The following C12orf56 variants were observed in gnomAD, a reference collection of about 807,000 sequenced individuals.
C12orf56 encodes chromosome 12 open reading frame 56.
A neutral mutation model predicts 69.9 loss-of-function variants in C12orf56; 71 were observed. The observed-to-expected ratio is 1.02, with a 90% CI of 0.84 to 1.24. C12orf56 has a LOEUF of 1.24. Ranked by LOEUF, C12orf56 falls within the 50% of genes most tolerant of loss-of-function variation. The pLI is 0.00. For synonymous variants in C12orf56, 276 were observed against 274.1 expected, an observed-to-expected ratio of 1.01 and a Z score of -0.07; for missense variants, 732 against 738.5, an observed-to-expected ratio of 0.99 and a Z score of 0.10.
At chr12:64,278,941 C>A (rs186064834) in intron 8 of C12orf56, among the ~76,000 whole-genome samples, 2 of 152,312 alleles carry the variant, frequency 1.3e-5, no homozygotes, top group East Asian at 1.9e-4. Flanking sequence ...TCACAAATAA[C>A]AAGACTTCAT....
In C12orf56 at chr12:64,328,310, T is replaced by C. The variant is rs1225832135; in HGVS notation, c.488+2650A>G. Reference sequence around the variant, plus strand: ...CATATTAATTTTCCCTATGCCTCTATATCCCTTGAGTGGCAGCTCCCAGAA... The same window carrying C: ...CATATTAATTTTCCCTATGCCTCTACATCCCTTGAGTGGCAGCTCCCAGAA... On this transcript the variant is annotated intron_variant, in intron 3 of 12. Coordinates refer to ENST00000543942, the MANE Select transcript of C12orf56 (RefSeq NM_001170633.2). Among the ~76,000 whole-genome samples the C allele has an allele frequency of 3.9e-5, 6 of 151,998 alleles. 2 individuals carry two copies. Among genetic ancestry groups the C allele is most frequent in the Admixed American group, 3.3e-4 (5 of 15,256 alleles).
At chr12:64,353,917 G>A (rs1476412315) in intron 1 of C12orf56, among the ~76,000 whole-genome samples, 3 of 151,980 alleles carry the variant, frequency 2.0e-5, no homozygotes, top group Non-Finnish European at 4.4e-5. Flanking sequence ...CTGACTTAAG[G>A]TGATCCACCT....
chr12:64,313,746 T>C (rs2038653360), intron 4 of C12orf56, among the ~76,000 whole-genome samples: 2 of 151,802 alleles, frequency 1.3e-5, no homozygotes, highest in South Asian at 2.1e-4. Flanking sequence ...TCTGTGTATA[T>C]AGATTTACCG....
chr12:64,335,560 G>A (rs7980755), intron 2 of C12orf56, among the ~76,000 whole-genome samples: 66,566 of 151,872 alleles, frequency 0.44, 14,812 homozygotes, highest in African/African-American at 0.51. Context: ...GGTATGGCAT[G>A]TTGCATCACA....
At chr12:64,353,162 T>A in intron 1 of C12orf56, 106 bp from the exon 2 acceptor site, 1 of 1,091,550 alleles carries the variant, frequency 9.2e-7, no homozygotes, top group Non-Finnish European at 1.3e-6. Context: ...TTTCCACATA[T>A]ATATATATTT....
intron 6 of C12orf56, among the ~76,000 whole-genome samples, chr12:64,286,904 G>A (rs905582644): frequency 6.6e-6 from 1 of 152,104 alleles, no homozygotes; most frequent in African/African-American, 2.4e-5. Context: ...GAAGCAGGAT[G>A]TTTACCGGAT....
At chr12:64,379,092 G>A (rs2039678369) in intron 1 of C12orf56, among the ~76,000 whole-genome samples, 1 of 151,432 alleles carries the variant, frequency 6.6e-6, no homozygotes, top group Non-Finnish European at 1.5e-5. Context: ...TTGCTAATCT[G>A]TGATAAATAA....
chr12:64,308,912 GA>G (rs1421292400), intron 5 of C12orf56, among the ~76,000 whole-genome samples: 1 of 59,526 alleles, frequency 1.7e-5, no homozygotes, highest in South Asian at 7.5e-4. Flanking sequence ...AAGAAAGAAA[GA>G]AAGAAAGAAA....
chr12:64,302,279 T>C (rs976685664), intron 6 of C12orf56, among the ~76,000 whole-genome samples: 2 of 152,184 alleles, frequency 1.3e-5, no homozygotes, highest in African/African-American at 4.8e-5. Flanking sequence ...TCTCAATGTC[T>C]CAATGTTGTG....
intron 1 of C12orf56, among the ~76,000 whole-genome samples, chr12:64,356,533 C>A (rs1461083050): frequency 2.0e-5 from 3 of 152,134 alleles, no homozygotes; most frequent in African/African-American, 7.2e-5. Flanking sequence ...ACAGTCTAAG[C>A]TAATTCCAAT....
In C12orf56 at chr12:64,328,694, AAAAAAAAAAAAAATATATATATAT is replaced by A. The variant is rs1188797984; in HGVS notation, c.488+2242_488+2265del. ...GACTCCATCTCAAAAAAAAAAAAAA[AAAAAAAAAAAAAATATATATATAT>A]ATATATATATATATATATAGTATCA... is the stretch of plus-strand genomic sequence containing the variant. On this transcript the variant is annotated intron_variant, in intron 3 of 12. Coordinates refer to ENST00000543942, the MANE Select transcript of C12orf56 (RefSeq NM_001170633.2). 7.2e-3 allele frequency among the ~76,000 whole-genome samples: 130 copies of A among 18,038 alleles called. 1 individual carries two copies. The highest frequency in any genetic ancestry group is 0.015 in the African/African-American group (79 of 5,138). The allele number at this position is 18,038 out of a possible 152,430, so 11.8% of individuals were successfully genotyped here. A position where few individuals can be genotyped will look rare whatever the true frequency, so the allele number is the denominator to read the frequency against.
At chr12:64,379,798 T>C (rs901761466) in intron 1 of C12orf56, among the ~76,000 whole-genome samples, 1 of 150,886 alleles carries the variant, frequency 6.6e-6, no homozygotes, top group Non-Finnish European at 1.5e-5. Context: ...AAACGCACGA[T>C]ATAAGCCGGG....
At chr12:64,269,206 T>C (rs1017641416) in intron 12 of C12orf56, among the ~76,000 whole-genome samples, 1 of 151,990 alleles carries the variant, frequency 6.6e-6, no homozygotes, top group African/African-American at 2.4e-5. Context: ...AAGGCTGTAA[T>C]TTATGTCTCC....
intron 1 of C12orf56, among the ~76,000 whole-genome samples, chr12:64,358,462 G>GTAATAATAATAA (rs1307361496): frequency 1.8e-4 from 23 of 128,074 alleles, no homozygotes; most frequent in African/African-American, 6.2e-4. Flanking sequence ...CATCTCAAAA[G>GTAATAATAATAA]TAATAATAAT....
chr12:64,385,424 T>C (rs192005709), intron 1 of C12orf56, among the ~76,000 whole-genome samples: 131 of 152,308 alleles, frequency 8.6e-4, no homozygotes, highest in African/African-American at 2.9e-3. Context: ...GGGCTTTTTT[T>C]CCCCTGAGAT....
chr12:64,366,297 ATATTATATATTATATACAGTT>A (rs1443693087), intron 1 of C12orf56, among the ~76,000 whole-genome samples: 28 of 20,426 alleles, frequency 1.4e-3, no homozygotes, highest in African/African-American at 3.1e-3. Flanking sequence ...TACAGTTTAT[ATATTATATATTATATACAGTT>A]TATTATATAT....
intron 2 of C12orf56, among the ~76,000 whole-genome samples, chr12:64,344,183 T>G (rs942705006): frequency 6.6e-6 from 1 of 152,152 alleles, no homozygotes; most frequent in Non-Finnish European, 1.5e-5. Flanking sequence ...GTCACAGGTC[T>G]CCTGGGGGAA....
intron 1 of C12orf56, among the ~76,000 whole-genome samples, chr12:64,381,990 G>A (rs769451605): frequency 9.2e-5 from 14 of 152,072 alleles, no homozygotes; most frequent in South Asian, 2.1e-4. Flanking sequence ...AGCAGGGCGC[G>A]GTGGCTCACG....
At chr12:64,380,744 G>A (rs1489998858) in intron 1 of C12orf56, among the ~76,000 whole-genome samples, 1 of 152,116 alleles carries the variant, frequency 6.6e-6, no homozygotes, top group Non-Finnish European at 1.5e-5. Flanking sequence ...GAGTGTTCTA[G>A]GTAGAAAGGC....
Sources: gnomAD v4.1 joint callset for allele counts (sites outside exome capture counted in the v4.1 genomes callset) on GRCh38, gnomAD v4.1.1 for gene constraint, MANE v1.5 for transcripts, NCBI Gene and HGNC (gene_info 2026-07-23, HGNC 2026-07-21) for gene names.